SAMD13: variants seen among roughly 807,000 people sequenced by gnomAD.
SAMD13 encodes the protein sterile alpha motif domain containing 13.
A neutral mutation model predicts 12.4 loss-of-function variants in SAMD13; 9 were observed. The ratio of observed to expected loss-of-function variants is 0.72; its 90% CI spans 0.44 to 1.26. The LOEUF is 1.26. Ranked by LOEUF, SAMD13 falls within the 50% of genes most tolerant of loss-of-function variation. The pLI is 0.00. For missense variants in SAMD13, 84 were observed against 119.6 expected, an observed-to-expected ratio of 0.70 and a Z score of 1.39; for synonymous variants, 46 against 45.4, an observed-to-expected ratio of 1.01 and a Z score of -0.05.
At chr1:84,348,586 A>G (rs1488078761) in intron 3 of SAMD13, among the ~76,000 whole-genome samples, 5 of 152,220 alleles carry the variant, frequency 3.3e-5, no homozygotes, top group Non-Finnish European at 7.3e-5. Context: ...CCCATAGCAA[A>G]CAATAACAAA....
At chr1:84,346,011 G>A (rs1415068427) in intron 3 of SAMD13, among the ~76,000 whole-genome samples, 1 of 152,040 alleles carries the variant, frequency 6.6e-6, no homozygotes, top group Non-Finnish European at 1.5e-5. Context: ...GCTTTTATAT[G>A]CTTTTTTCAA....
chr1:84,317,874 A>G (rs1391476727), intron 2 of SAMD13, among the ~76,000 whole-genome samples: 3 of 152,038 alleles, frequency 2.0e-5, no homozygotes, highest in Non-Finnish European at 2.9e-5. Context: ...TCCTTACTAG[A>G]CAGGTCTGCT....
chr1:84,315,193 C>G (rs1328818557), intron 2 of SAMD13, among the ~76,000 whole-genome samples: 1 of 152,100 alleles, frequency 6.6e-6, no homozygotes, highest in African/African-American at 2.4e-5. Flanking sequence ...ATCGCTAAAA[C>G]GTATCCATCT....
At chr1:84,307,573 G>T (rs1347533006) in intron 2 of SAMD13, among the ~76,000 whole-genome samples, 1 of 152,130 alleles carries the variant, frequency 6.6e-6, no homozygotes, top group Non-Finnish European at 1.5e-5. Flanking sequence ...ATCTTTGGAT[G>T]CCTGGTAATT....
At chr1:84,345,804 CAGAG>C (rs1679522540) in intron 3 of SAMD13, among the ~76,000 whole-genome samples, 1 of 152,126 alleles carries the variant, frequency 6.6e-6, no homozygotes, top group African/African-American at 2.4e-5. Context: ...TTAATGCTGG[CAGAG>C]AGAATGAGTG....
At chr1:84,333,708 T>C (rs1283110892) in intron 3 of SAMD13, among the ~76,000 whole-genome samples, 2 of 152,098 alleles carry the variant, frequency 1.3e-5, no homozygotes, top group Non-Finnish European at 2.9e-5. Flanking sequence ...TGGATTCTTA[T>C]TATTTTGAGG....
intron 3 of SAMD13, among the ~76,000 whole-genome samples, chr1:84,332,877 C>T (rs1320007138): frequency 2.0e-5 from 3 of 152,106 alleles, no homozygotes; most frequent in Non-Finnish European, 4.4e-5. Context: ...ACATTTAAGT[C>T]TCTAAACTAT....
rs572233737 is a variant in SAMD13 at position 84,338,854 on chromosome 1, A to G, written c.166-10777A>G. 2.7e-4 allele frequency among the ~76,000 whole-genome samples: 41 copies of G among 152,212 alleles called. 1 individual carries two copies. In the South Asian group the frequency reaches 8.3e-3, roughly 31 times the overall value. ...TACCTCCCACTGGGCCCCTCCCACA[A>G]CATGTGGGAATTCAAGACGAGATCT... is the stretch of plus-strand genomic sequence containing the variant. On this transcript the variant is annotated intron_variant, in intron 3 of 3. Transcript: ENST00000394834.
chr1:84,344,035 T>C (rs1159802706), intron 3 of SAMD13, among the ~76,000 whole-genome samples: 1 of 151,910 alleles, frequency 6.6e-6, no homozygotes, highest in Non-Finnish European at 1.5e-5. Flanking sequence ...GTATTTTCCT[T>C]CATCAGAAAT....
chr1:84,339,658 C>T (rs1043431798), intron 3 of SAMD13, among the ~76,000 whole-genome samples: 1 of 152,190 alleles, frequency 6.6e-6, no homozygotes, highest in Non-Finnish European at 1.5e-5. Context: ...TGTGCTTGCT[C>T]ATGCATGCCA....
chr1:84,333,117 C>T (rs375020214), intron 3 of SAMD13, among the ~76,000 whole-genome samples: 2 of 152,016 alleles, frequency 1.3e-5, no homozygotes, highest in East Asian at 3.8e-4. Flanking sequence ...TTACTGTAGC[C>T]TTGTAGTGCA....
chr1:84,320,910 T>G (rs1558448282), intron 2 of SAMD13, among the ~76,000 whole-genome samples: 1 of 152,224 alleles, frequency 6.6e-6, no homozygotes, highest in Non-Finnish European at 1.5e-5. Flanking sequence ...AGTATCCTTT[T>G]GGCCTGAACA....
intron 2 of SAMD13, chr1:84,303,630 AG>A (rs1678497713): frequency 5.8e-6 from 1 of 173,574 alleles, no homozygotes; most frequent in Non-Finnish European, 1.3e-5. Context: ...GGCAGAAAAT[AG>A]AGTTCAAATT....
intron 3 of SAMD13, among the ~76,000 whole-genome samples, chr1:84,337,247 A>G (rs1415287841): frequency 6.6e-6 from 1 of 152,092 alleles, no homozygotes; most frequent in African/African-American, 2.4e-5. Flanking sequence ...GGGACTCTAT[A>G]TGGGAGCTCC....
At chr1:84,312,286 A>T (rs1678732760) in intron 2 of SAMD13, among the ~76,000 whole-genome samples, 1 of 151,966 alleles carries the variant, frequency 6.6e-6, no homozygotes, top group South Asian at 2.1e-4. Flanking sequence ...GTTCCAACAA[A>T]TTGCAATTGC....
At chr1:84,342,381 A>G (rs988837285) in intron 3 of SAMD13, among the ~76,000 whole-genome samples, 5 of 152,230 alleles carry the variant, frequency 3.3e-5, no homozygotes, top group African/African-American at 1.2e-4. Flanking sequence ...CAACATCAAA[A>G]AAAGCTCATA....
chr1:84,348,204 G>A (rs1679573148), intron 3 of SAMD13, among the ~76,000 whole-genome samples: 2 of 152,162 alleles, frequency 1.3e-5, no homozygotes, highest in Admixed American at 6.5e-5. Context: ...CAGAAACCCC[G>A]CCAAGGAGGA....
At chr1:84,344,424 G>C (rs1186966930) in intron 3 of SAMD13, among the ~76,000 whole-genome samples, 1 of 152,310 alleles carries the variant, frequency 6.6e-6, no homozygotes, top group East Asian at 1.9e-4. Flanking sequence ...CATTGGCTGA[G>C]AATGTTGAGC....
At position 84,349,939 on chromosome 1, in the gene SAMD13, T is replaced by G. The variant is rs1035948509; in HGVS notation, c.*165T>G. 51 of 1,343,582 alleles carry G rather than the reference T, an allele frequency of 3.8e-5. No individual in the cohort carries two copies. Among genetic ancestry groups the G allele is most frequent in the Non-Finnish European group, 4.8e-5 (50 of 1,047,434 alleles). The allele number at this position is 1,343,582 out of a possible 1,614,324, so 83.2% of individuals were successfully genotyped here. ...AGACTAGGCAATTCATCAGCTCACC[T>G]GAAATCAGCCAGGAGGAGCAAGGAC... is the stretch of plus-strand genomic sequence containing the variant. On this transcript the variant is annotated 3_prime_UTR_variant, in exon 4 of 4. Coordinates refer to ENST00000394834, the MANE Select transcript of SAMD13 (RefSeq NM_001134663.2).
Sources: gnomAD v4.1 joint callset for allele counts (sites outside exome capture counted in the v4.1 genomes callset) on GRCh38, gnomAD v4.1.1 for gene constraint, MANE v1.5 for transcripts, NCBI Gene and HGNC (gene_info 2026-07-23, HGNC 2026-07-21) for gene names.